The following KAZN variants were observed in gnomAD, a reference collection of about 807,000 sequenced individuals.
KAZN encodes the protein kazrin, periplakin interacting protein.
Under a neutral mutation model 87.4 loss-of-function variants are expected in KAZN, and 40 were observed. That is an observed-to-expected ratio of 0.46 (90% CI 0.36 to 0.60). The LOEUF (loss-of-function observed/expected upper bound fraction) is 0.60, where lower values mean the gene tolerates loss of function less well. KAZN is among the 20% of genes least tolerant of loss of function. KAZN has a pLI of 0.00. For synonymous variants in KAZN, 466 were observed against 458.3 expected, an observed-to-expected ratio of 1.02 and a Z score of -0.22; for missense variants, 898 against 1,073.9, an observed-to-expected ratio of 0.84 and a Z score of 2.29.
chr1:15,032,963 GA>G (rs746235185), intron 2 of KAZN, among the ~76,000 whole-genome samples: 11 of 149,336 alleles, frequency 7.4e-5, no homozygotes, highest in Admixed American at 1.3e-4. Flanking sequence ...AAAAGGAAAA[GA>G]AAAAAAAACT....
chr1:15,033,799 T>G (rs1671975053), intron 2 of KAZN, among the ~76,000 whole-genome samples: 1 of 152,198 alleles, frequency 6.6e-6, no homozygotes, highest in Non-Finnish European at 1.5e-5. Flanking sequence ...AGTGCAGTGG[T>G]GCAATCTCAG....
chr1:14,327,304 T>G (rs1398472809), intron 2 of KAZN, among the ~76,000 whole-genome samples: 1 of 152,172 alleles, frequency 6.6e-6, no homozygotes, highest in African/African-American at 2.4e-5. Flanking sequence ...GCCAGCAGGT[T>G]GGAAACCTCT....
chr1:14,359,423 T>G (rs1417437055), intron 2 of KAZN, among the ~76,000 whole-genome samples: 1 of 152,238 alleles, frequency 6.6e-6, no homozygotes, highest in Non-Finnish European at 1.5e-5. Context: ...TTGAGGCATT[T>G]AGCCCATTTA....
chr1:14,992,472 A>G (rs981361190), intron 2 of KAZN, among the ~76,000 whole-genome samples: 4 of 152,142 alleles, frequency 2.6e-5, no homozygotes, highest in Admixed American at 6.5e-5. Context: ...CTGGGGTCCA[A>G]ATTGAAAGAG....
At chr1:14,301,999 TCTAA>T (rs532650979) in intron 2 of KAZN, among the ~76,000 whole-genome samples, 133 of 152,318 alleles carry the variant, frequency 8.7e-4, no homozygotes, top group African/African-American at 3.0e-3. Flanking sequence ...GACTCTAAGG[TCTAA>T]CTGAGGTTTT....
intron 1 of KAZN, among the ~76,000 whole-genome samples, chr1:13,906,397 G>A (rs2100853399): frequency 6.6e-6 from 1 of 152,260 alleles, no homozygotes; most frequent in Admixed American, 6.5e-5. Context: ...CTTCGTTTTC[G>A]GAGAGGCAGG....
intron 1 of KAZN, among the ~76,000 whole-genome samples, chr1:14,109,818 T>TGGCTCA (rs1427458889): frequency 4.0e-4 from 60 of 149,662 alleles, no homozygotes; most frequent in East Asian, 1.2e-3. Context: ...CAAAACGATT[T>TGGCTCA]CAGCGTCAAG....
At chr1:14,306,727 A>G (rs1654958064) in intron 2 of KAZN, among the ~76,000 whole-genome samples, 1 of 152,170 alleles carries the variant, frequency 6.6e-6, no homozygotes, top group African/African-American at 2.4e-5. Context: ...CCATGAGGTG[A>G]TGGGTGAGCT....
chr1:14,292,140 C>T (rs778729607), intron 2 of KAZN, among the ~76,000 whole-genome samples: 33 of 152,144 alleles, frequency 2.2e-4, no homozygotes, highest in African/African-American at 7.5e-4. Context: ...TATGTATGCT[C>T]TGTGTATGTG....
At chr1:14,597,978 C>G (rs1194899161), upstream of KAZN, among the ~76,000 whole-genome samples, 1 of 152,178 alleles carries the variant, frequency 6.6e-6, no homozygotes, top group Non-Finnish European at 1.5e-5. Flanking sequence ...AGGGAAGAAG[C>G]CCCATCGACG....
intron 2 of KAZN, among the ~76,000 whole-genome samples, chr1:14,413,589 A>G (rs886185377): frequency 8.0e-6 from 1 of 125,304 alleles, no homozygotes; most frequent in East Asian, 2.3e-4. Context: ...ACTCCGTCTC[A>G]AAAGAAAAAA....
At chr1:13,960,522 A>G (rs1641710176) in intron 1 of KAZN, among the ~76,000 whole-genome samples, 1 of 151,982 alleles carries the variant, frequency 6.6e-6, no homozygotes, top group Non-Finnish European at 1.5e-5. Flanking sequence ...AGAACCACAA[A>G]CTCACACCTA....
At chr1:14,723,658 C>T (rs535507207) in intron 1 of KAZN, among the ~76,000 whole-genome samples, 4 of 152,306 alleles carry the variant, frequency 2.6e-5, no homozygotes, top group Non-Finnish European at 5.9e-5. Context: ...CTCCTGCATT[C>T]GTCTCCTTTT....
intron 8 of KAZN, among the ~76,000 whole-genome samples, chr1:15,088,201 G>A (rs537706439): frequency 9.8e-5 from 15 of 152,320 alleles, no homozygotes; most frequent in African/African-American, 3.4e-4. Context: ...TAAACAAATG[G>A]GCATGGCTGT....
chr1:14,329,695 C>T (rs1656706922), intron 2 of KAZN, among the ~76,000 whole-genome samples: 1 of 152,192 alleles, frequency 6.6e-6, no homozygotes, highest in Non-Finnish European at 1.5e-5. Flanking sequence ...TGAAGCCCAA[C>T]CCTGCCTCTC....
chr1:14,472,514 G>T (rs949525050), intron 2 of KAZN, among the ~76,000 whole-genome samples: 3 of 151,982 alleles, frequency 2.0e-5, no homozygotes, highest in South Asian at 2.1e-4. Context: ...TTTATCTTTC[G>T]TTGGCCAAAA....
intron 1 of KAZN, among the ~76,000 whole-genome samples, chr1:14,146,536 C>CAAAAAAAAAAAAAAAAA (rs55928646): frequency 2.2e-4 from 14 of 63,500 alleles, no homozygotes; most frequent in South Asian, 1.2e-3. Flanking sequence ...AACTCCATCT[C>CAAAAAAAAAAAAAAAAA]AAAAAAAAAA....
At chr1:14,351,016 T>C (rs969244781) in intron 2 of KAZN, 1 of 152,210 alleles carries the variant, frequency 6.6e-6, no homozygotes, top group Admixed American at 6.5e-5. Context: ...ATTTTGTTGA[T>C]ACATAAGACC....
chr1:14,220,239 C>T (rs903727675), intron 2 of KAZN, among the ~76,000 whole-genome samples: 3 of 152,180 alleles, frequency 2.0e-5, no homozygotes, highest in Non-Finnish European at 4.4e-5. Context: ...TTCTGACTCT[C>T]TGCTCATCAT....
Sources: allele counts gnomAD v4.1 joint callset (sites outside exome capture counted in the v4.1 genomes callset), GRCh38; gene constraint gnomAD v4.1.1; transcripts MANE v1.5; gene names NCBI Gene and HGNC (gene_info 2026-07-23, HGNC 2026-07-21).